PKIB: variants seen among roughly 807,000 people sequenced by gnomAD.
PKIB encodes the protein cAMP-dependent protein kinase inhibitor beta, also known as PKI-beta.
A neutral mutation model predicts 4.5 loss-of-function variants in PKIB; 2 were observed. That is an observed-to-expected ratio of 0.44 (90% CI 0.18 to 1.39). The LOEUF is 1.39. Among genes scored for constraint, PKIB ranks in the 40% most tolerant of loss-of-function variants. The probability of loss-of-function intolerance (pLI) is 0.27; values close to 1 mark genes in which losing one functional copy is unlikely to be tolerated. For missense variants in PKIB, 94 were observed against 92.6 expected, an observed-to-expected ratio of 1.02 and a Z score of -0.06; for synonymous variants, 38 against 36.0, an observed-to-expected ratio of 1.06 and a Z score of -0.20.
chr6:122,612,780 C>T (rs955021457), intron 1 of PKIB, among the ~76,000 whole-genome samples: 4 of 152,012 alleles, frequency 2.6e-5, no homozygotes, highest in African/African-American at 7.3e-5. Context: ...TGTGAGTACC[C>T]GTTTTCATTT....
At chr6:122,705,591 G>T (rs1205019120) in intron 3 of PKIB, among the ~76,000 whole-genome samples, 3 of 131,070 alleles carry the variant, frequency 2.3e-5, no homozygotes, top group Non-Finnish European at 3.1e-5. Flanking sequence ...TTTTGAGACG[G>T]AGTCTTGCTC....
intron 1 of PKIB, among the ~76,000 whole-genome samples, chr6:122,624,482 A>G (rs946882723): frequency 3.9e-5 from 6 of 152,222 alleles, no homozygotes; most frequent in African/African-American, 1.2e-4. Context: ...CTTAAAACTT[A>G]AAAGAAAACT....
intron 2 of PKIB, among the ~76,000 whole-genome samples, chr6:122,652,521 TTGA>T (rs1776600967): frequency 6.6e-6 from 1 of 152,166 alleles, no homozygotes; most frequent in African/African-American, 2.4e-5. Flanking sequence ...ACCCAGATTA[TTGA>T]TGATAATCTC....
chr6:122,700,912 CCAG>C (rs1359940220), intron 3 of PKIB: 1 of 153,314 alleles, frequency 6.5e-6, no homozygotes, highest in African/African-American at 2.4e-5. Flanking sequence ...TTGGATAGGG[CCAG>C]CAAGCCCATG....
intron 3 of PKIB, among the ~76,000 whole-genome samples, chr6:122,598,443 C>T (rs1774243884): frequency 6.6e-6 from 1 of 152,122 alleles, no homozygotes; most frequent in Admixed American, 6.5e-5. Context: ...CACTTGGCTC[C>T]TCCCACCTCG....
chr6:122,684,609 A>C (rs1363475197), intron 3 of PKIB, among the ~76,000 whole-genome samples: 1 of 152,226 alleles, frequency 6.6e-6, no homozygotes, highest in Non-Finnish European at 1.5e-5. Context: ...GTCCAGTGAC[A>C]TGAGCTTTAG....
chr6:122,571,736 T>G (rs1435377803), intron 2 of PKIB, among the ~76,000 whole-genome samples: 1 of 152,156 alleles, frequency 6.6e-6, no homozygotes, highest in East Asian at 1.9e-4. Flanking sequence ...TAAATGGAGT[T>G]CCATATCTTG....
chr6:122,679,115 A>T (rs1777802001), intron 3 of PKIB, among the ~76,000 whole-genome samples: 1 of 152,186 alleles, frequency 6.6e-6, no homozygotes, highest in South Asian at 2.1e-4. Flanking sequence ...ACAAGGTGTT[A>T]TGTGTGCCAA....
chr6:122,629,316 G>T (rs1775592530), intron 1 of PKIB, among the ~76,000 whole-genome samples: 1 of 152,146 alleles, frequency 6.6e-6, no homozygotes, highest in Non-Finnish European at 1.5e-5. Context: ...AAGAGCTAAT[G>T]ATGACCCAAT....
chr6:122,606,038 A>G (rs1210104144), upstream of PKIB, among the ~76,000 whole-genome samples: 4 of 152,132 alleles, frequency 2.6e-5, no homozygotes, highest in African/African-American at 9.7e-5. Flanking sequence ...GGTACCTGTG[A>G]ATTTGACTTT....
chr6:122,576,689 AATATATAT>A (rs1334771841), intron 2 of PKIB, among the ~76,000 whole-genome samples: 1 of 34,314 alleles, frequency 2.9e-5, no homozygotes, highest in Non-Finnish European at 4.7e-5. Context: ...AAAAAAAAAA[AATATATAT>A]ATATATATAT....
chr6:122,717,746 T>C (rs766292816), intron 3 of PKIB, 41 bp from the exon 4 acceptor site: 11 of 1,598,594 alleles, frequency 6.9e-6, no homozygotes, highest in Non-Finnish European at 9.4e-6. Context: ...CATTTACTTC[T>C]GAATAGGCTC....
intron 2 of PKIB, among the ~76,000 whole-genome samples, chr6:122,671,389 T>C (rs1242766132): frequency 1.1e-5 from 1 of 92,944 alleles, no homozygotes. Flanking sequence ...TTAGGTCTTA[T>C]CTCGTGTTAC....
In PKIB at chr6:122,725,420, A is replaced by G. The variant is rs1582851966; in HGVS notation, c.*225A>G. ...TTACTTCCAAATCGCACTGAAGGAA[A>G]AGGTTAAGAATAATACATGATCACA... is the stretch of plus-strand genomic sequence containing the variant. On this transcript the variant is annotated 3_prime_UTR_variant, in exon 5 of 5. Coordinates refer to ENST00000368452, the MANE Select transcript of PKIB (RefSeq NM_181795.3). The G allele has an allele frequency of 2.0e-6, 1 of 506,716 alleles. No individual in the cohort carries two copies. Among genetic ancestry groups the G allele is most frequent in the East Asian group, 3.1e-5 (1 of 32,336 alleles). 31.4% of individuals were successfully genotyped at this position (506,716 alleles called of 1,614,324 possible).
intron 2 of PKIB, among the ~76,000 whole-genome samples, chr6:122,666,353 A>C (rs910771661): frequency 4.6e-5 from 7 of 152,266 alleles, no homozygotes; most frequent in Admixed American, 1.3e-4. Context: ...TTAGCTAACC[A>C]AAATCATGTC....
intron 2 of PKIB, among the ~76,000 whole-genome samples, chr6:122,517,151 G>A (rs1236002221): frequency 5.9e-5 from 9 of 152,090 alleles, no homozygotes; most frequent in African/African-American, 1.4e-4. Flanking sequence ...ATTCAGAAAA[G>A]CATACAAATA....
chr6:122,668,230 G>C (rs1777308513), intron 2 of PKIB, among the ~76,000 whole-genome samples: 1 of 152,030 alleles, frequency 6.6e-6, no homozygotes, highest in Non-Finnish European at 1.5e-5. Context: ...ATGTGTACCA[G>C]TATTAAGAGT....
chr6:122,479,874 C>T (rs567540636), intron 2 of PKIB: 1 of 152,138 alleles, frequency 6.6e-6, no homozygotes, highest in Non-Finnish European at 1.5e-5. Flanking sequence ...CCGGTATTGA[C>T]TGTAAGAGCT....
At chr6:122,527,897 CA>C (rs1369331645) in intron 2 of PKIB, among the ~76,000 whole-genome samples, 4 of 152,214 alleles carry the variant, frequency 2.6e-5, no homozygotes, top group African/African-American at 9.6e-5. Context: ...AAATGAAGTA[CA>C]TCTGTGTTAT....
Sources: allele counts gnomAD v4.1 joint callset (sites outside exome capture counted in the v4.1 genomes callset), GRCh38; gene constraint gnomAD v4.1.1; transcripts MANE v1.5; gene names NCBI Gene and HGNC (gene_info 2026-07-23, HGNC 2026-07-21).